The following WWOX variants were observed in gnomAD, a reference collection of about 807,000 sequenced individuals.
The protein encoded by WWOX is WW domain containing oxidoreductase, also known as WW domain-containing oxidoreductase.
A neutral mutation model predicts 46.2 loss-of-function variants in WWOX; 69 were observed. That is an observed-to-expected ratio of 1.49 (90% CI 1.23 to 1.82). WWOX has a LOEUF of 1.82. WWOX is among the 40% of genes most tolerant of loss of function. The pLI is 0.00. For synonymous variants in WWOX, 359 were observed against 202.6 expected, an observed-to-expected ratio of 1.77 and a Z score of -6.56; for missense variants, 919 against 542.6, an observed-to-expected ratio of 1.69 and a Z score of -6.89.
chr16:78,459,181 A>G (rs2083894528), intron 8 of WWOX, among the ~76,000 whole-genome samples: 1 of 152,222 alleles, frequency 6.6e-6, no homozygotes, highest in African/African-American at 2.4e-5. Context: ...GAGATTATCT[A>G]GGCCAAGGCT....
At chr16:78,510,438 T>C (rs2085334791) in intron 8 of WWOX, among the ~76,000 whole-genome samples, 1 of 152,164 alleles carries the variant, frequency 6.6e-6, no homozygotes, top group African/African-American at 2.4e-5. Context: ...GGTCTCAAAC[T>C]CCTGACCTCA....
intron 8 of WWOX, among the ~76,000 whole-genome samples, chr16:79,024,238 G>T (rs1018157058): frequency 2.0e-5 from 3 of 152,104 alleles, no homozygotes; most frequent in African/African-American, 7.2e-5. Flanking sequence ...ACTTTAAGTG[G>T]GTGAATTTTA....
At position 79,110,711 on chromosome 16, in the gene WWOX, A is replaced by G. The variant is rs182167815; in HGVS notation, c.1057-100897A>G. 3.9e-5 allele frequency: 6 copies of G among 152,312 alleles called. No individual in the cohort carries two copies. The East Asian group carries it at 1.2e-3, about 29-fold the overall frequency. The allele number at this position is 152,312 out of a possible 1,614,324, so 9.4% of individuals were successfully genotyped here. A position where few individuals can be genotyped will look rare whatever the true frequency, so the allele number is the denominator to read the frequency against. On this transcript the variant is annotated intron_variant, in intron 8 of 8. Transcript: ENST00000566780. ...GGGAAATGAAGAGCCACTTTCAACA[A>G]TTCTGAAGAAGAAATATGGGATGTT...
chr16:78,914,053 C>G (rs1161121662), intron 8 of WWOX, among the ~76,000 whole-genome samples: 3 of 152,020 alleles, frequency 2.0e-5, no homozygotes, highest in South Asian at 2.1e-4. Context: ...TGAGATTTGA[C>G]AACTGCATTT....
At chr16:78,357,731 G>T (rs567389207) in intron 5 of WWOX, among the ~76,000 whole-genome samples, 1 of 152,102 alleles carries the variant, frequency 6.6e-6, no homozygotes, top group South Asian at 2.1e-4. Flanking sequence ...ACAGTGCTGG[G>T]TGCTACATAT....
chr16:79,177,978 G>T (rs751686306), intron 8 of WWOX, among the ~76,000 whole-genome samples: 3 of 152,142 alleles, frequency 2.0e-5, no homozygotes, highest in Admixed American at 6.5e-5. Context: ...TCGTTCCCTG[G>T]CTCATAGATG....
intron 8 of WWOX, among the ~76,000 whole-genome samples, chr16:79,091,554 G>A (rs1053617513): frequency 6.6e-6 from 1 of 151,980 alleles, no homozygotes; most frequent in Non-Finnish European, 1.5e-5. Flanking sequence ...TTGGAGAGAG[G>A]GTTTACTAAG....
At chr16:78,580,635 A>T (rs780307592) in intron 8 of WWOX, among the ~76,000 whole-genome samples, 13 of 152,248 alleles carry the variant, frequency 8.5e-5, no homozygotes, top group Admixed American at 6.5e-5. Context: ...TGGTATTAGT[A>T]AATTATAGAA....
Position 79,212,328 on chromosome 16 carries a change from C to G in WWOX, c.*532C>G. The stretch of plus-strand genomic sequence containing the variant: ...GGGGAGACAAATCTCAGAACCTTGT[C>G]CCAGCCAGTGAGGATGACAGTGACA... On this transcript the variant is annotated 3_prime_UTR_variant, in exon 9 of 9. Transcript: ENST00000566780. 1.3e-6 allele frequency: 1 copy of G among 754,352 alleles called. No individual in the cohort carries two copies. Among genetic ancestry groups the G allele is most frequent in the Non-Finnish European group, 2.0e-6 (1 of 489,154 alleles). The allele number at this position is 754,352 out of a possible 1,614,324, so 46.7% of individuals were successfully genotyped here.
intron 7 of WWOX, among the ~76,000 whole-genome samples, chr16:78,427,527 CAT>C (rs1393799518): frequency 9.4e-5 from 14 of 148,196 alleles, no homozygotes; most frequent in African/African-American, 2.9e-4. Context: ...CAAAATCACA[CAT>C]ACACGCACGC....
At chr16:78,953,859 G>C (rs2046112443) in intron 8 of WWOX, among the ~76,000 whole-genome samples, 2 of 152,086 alleles carry the variant, frequency 1.3e-5, no homozygotes, top group African/African-American at 4.8e-5. Flanking sequence ...AGCATTTTTG[G>C]GCTTTGAGTT....
At chr16:78,937,535 T>C (rs2045765475) in intron 8 of WWOX, among the ~76,000 whole-genome samples, 1 of 147,496 alleles carries the variant, frequency 6.8e-6, no homozygotes, top group African/African-American at 2.5e-5. Context: ...GTTCAAGTGA[T>C]CTGCCTTGCT....
At chr16:79,085,424 AAAAAGAGC>A (rs1380374405) in intron 8 of WWOX, among the ~76,000 whole-genome samples, 1 of 152,172 alleles carries the variant, frequency 6.6e-6, no homozygotes, top group Admixed American at 6.5e-5. Flanking sequence ...CTGAGCTTTG[AAAAAGAGC>A]TTTTCTTCTT....
rs554432627 is a variant in WWOX at position 79,022,411 on chromosome 16, G to T, written c.1057-189197G>T. Among the ~76,000 whole-genome samples the T allele has an allele frequency of 7.4e-5, 11 of 149,408 alleles. No homozygotes were observed. The East Asian group carries it at 2.2e-3, about 30-fold the overall frequency. Reference sequence around the variant, plus strand: ...CTACTGGCTTATCTGTTATTTCTTGGACATGCCCCAGTCGCTAGTAAATAA... The same window carrying T: ...CTACTGGCTTATCTGTTATTTCTTGTACATGCCCCAGTCGCTAGTAAATAA... On this transcript the variant is annotated intron_variant, in intron 8 of 8. Coordinates refer to ENST00000566780, the MANE Select transcript of WWOX (RefSeq NM_016373.4).
chr16:78,677,423 C>A (rs373446054), intron 8 of WWOX, among the ~76,000 whole-genome samples: 1 of 152,186 alleles, frequency 6.6e-6, no homozygotes, highest in Non-Finnish European at 1.5e-5. Flanking sequence ...GGCTTGCCAA[C>A]GTTTTCAAGT....
At chr16:78,922,880 C>T (rs1029044062) in intron 8 of WWOX, among the ~76,000 whole-genome samples, 25 of 152,028 alleles carry the variant, frequency 1.6e-4, no homozygotes, top group Non-Finnish European at 2.2e-4. Context: ...GCTTATTAAT[C>T]ATACTAAAAA....
chr16:79,083,966 C>A (rs1030873945), intron 8 of WWOX, among the ~76,000 whole-genome samples: 2 of 152,126 alleles, frequency 1.3e-5, no homozygotes, highest in Non-Finnish European at 2.9e-5. Context: ...TTTCTGACTC[C>A]CGATCGGAGC....
chr16:78,308,209 A>G (rs924189043), intron 5 of WWOX, among the ~76,000 whole-genome samples: 4 of 152,182 alleles, frequency 2.6e-5, no homozygotes, highest in South Asian at 2.1e-4. Context: ...CCAGAGCTGC[A>G]AGAGAGTCTG....
chr16:78,145,563 C>G (rs1185073986), intron 4 of WWOX, among the ~76,000 whole-genome samples: 1 of 152,136 alleles, frequency 6.6e-6, no homozygotes, highest in Non-Finnish European at 1.5e-5. Flanking sequence ...TTAGATGGTA[C>G]CAACCCAAAT....
Sources: gnomAD v4.1 joint callset for allele counts (sites outside exome capture counted in the v4.1 genomes callset) on GRCh38, gnomAD v4.1.1 for gene constraint, MANE v1.5 for transcripts, NCBI Gene and HGNC (gene_info 2026-07-23, HGNC 2026-07-21) for gene names.